The following ABCA13 variants were observed in gnomAD, a reference collection of about 807,000 sequenced individuals.
ABCA13 encodes the protein ATP-binding cassette sub-family A member 13.
A neutral mutation model predicts 478.7 loss-of-function variants in ABCA13; 476 were observed. The ratio of observed to expected loss-of-function variants is 0.99; its 90% CI spans 0.92 to 1.07. The LOEUF (loss-of-function observed/expected upper bound fraction) is 1.07, where lower values mean the gene tolerates loss of function less well. Ranked by LOEUF, ABCA13 falls within the 50% of genes least tolerant of loss-of-function variation. The probability of loss-of-function intolerance (pLI) is 0.00; values close to 1 mark genes in which losing one functional copy is unlikely to be tolerated. For synonymous variants in ABCA13, 2,252 were observed against 2,158.9 expected (o/e 1.04, Z -1.20); for missense variants, 6,060 against 5,910.6 (o/e 1.03, Z -0.83).
At chr7:48,626,590 G>T in intron 59 of ABCA13, 1 of 985,032 alleles carries the variant, frequency 1.0e-6, no homozygotes, top group Non-Finnish European at 1.2e-6. Flanking sequence ...AGAAATTTTT[G>T]TTCTCTAGTA....
intron 3 of ABCA13, among the ~76,000 whole-genome samples, chr7:48,205,159 C>T (rs1297514354): frequency 6.6e-6 from 1 of 152,124 alleles, no homozygotes; most frequent in East Asian, 1.9e-4. Flanking sequence ...ATTTTTACAC[C>T]GTGTTTAGTA....
At position 48,438,537 on chromosome 7, in the gene ABCA13, G is replaced by A. The variant is rs777499383; in HGVS notation, c.12565+10666G>A. Among the ~76,000 whole-genome samples, 16 of 149,644 alleles carry A rather than the reference G, an allele frequency of 1.1e-4. No homozygotes were observed. The South Asian group carries it at 1.9e-3, about 18-fold the overall frequency. ...ACTGGCATTTTGTGAGCTTTTTGACGTTTGAGCAGAAGGTTCTGTAATCAC... is the reference window on the plus strand; with the variant it reads ...ACTGGCATTTTGTGAGCTTTTTGACATTTGAGCAGAAGGTTCTGTAATCAC... On this transcript the variant is annotated intron_variant, in intron 42 of 61. Transcript: ENST00000435803.
At position 48,374,382 on chromosome 7, in the gene ABCA13, AT is replaced by A; in HGVS notation, c.11175del (p.Phe3725LeufsTer26). The A allele has an allele frequency of 1.2e-6, 2 of 1,610,558 alleles. No individual in the cohort carries two copies. The highest frequency in any genetic ancestry group is 1.1e-5 in the South Asian group (1 of 89,930). Reference sequence around the variant, plus strand: ...CGACAACCGCCTTTGGACAAGGGGTATTTTTTATTACATTCCTGGAAGGACA... The same window carrying A: ...CGACAACCGCCTTTGGACAAGGGGTATTTTTATTACATTCCTGGAAGGACA... ...LSTTAFGQGV[F>X]FITFLEGQET... On this transcript the variant is annotated frameshift_variant, in exon 34 of 62. Transcript: ENST00000435803. LOFTEE classifies it high-confidence loss of function.
chr7:48,203,581 C>T (rs1330214839), intron 3 of ABCA13, among the ~76,000 whole-genome samples: 1 of 152,174 alleles, frequency 6.6e-6, no homozygotes, highest in Non-Finnish European at 1.5e-5. Flanking sequence ...TCAGCTTCCT[C>T]ATTCCTGCCT....
In ABCA13 at chr7:48,410,568, T is replaced by C; in HGVS notation, c.12119T>C (p.Leu4040Pro). ...CACCACCTGGATGAAGCTGAAGCGCTGAGTGACCGCGTGGCCGTCCTCCAG... is the reference window on the plus strand; with the variant it reads ...CACCACCTGGATGAAGCTGAAGCGCCGAGTGACCGCGTGGCCGTCCTCCAG... The part of the protein sequence containing the change: ...TTHHLDEAEA[L>P]SDRVAVLQHG... Residue 4040 changes from leucine to proline, a missense_variant, in exon 40 of 62, where the codon CTG becomes CCG. Coordinates refer to ENST00000435803, the MANE Select transcript of ABCA13 (RefSeq NM_152701.5). The C allele has an allele frequency of 1.2e-6, 2 of 1,614,052 alleles. No individual in the cohort carries two copies. Among genetic ancestry groups the C allele is most frequent in the East Asian group, 4.5e-5 (2 of 44,872 alleles).
chr7:48,286,719 G>C (rs1381660031), intron 19 of ABCA13, among the ~76,000 whole-genome samples: 1 of 152,000 alleles, frequency 6.6e-6, no homozygotes, highest in Non-Finnish European at 1.5e-5. Context: ...TGGCCAGGAT[G>C]GTCTCGATCT....
rs1832441625 is a variant in ABCA13 at position 48,520,172 on chromosome 7, T to C, written c.13929T>C (p.Asp4643=). Residue 4643 remains aspartate (D), a synonymous_variant, in exon 53 of 62, where the codon GAT becomes GAC. Transcript: ENST00000435803. ...KYDLTHNFGI[D]SYVSPFEMNF... is the part of the protein sequence containing the mutation. The stretch of plus-strand genomic sequence containing the variant: ...ACCTGACCCACAACTTCGGCATTGA[T>C]TCCTATGTGAGTCCCTTTGAGATGA... 1 of 1,613,702 alleles carries C rather than the reference T, an allele frequency of 6.2e-7. No homozygotes were observed. The highest frequency in any genetic ancestry group is 1.7e-5 in the Admixed American group (1 of 59,984).
chr7:48,459,160 A>G (rs1256136548), intron 43 of ABCA13, among the ~76,000 whole-genome samples: 1 of 152,096 alleles, frequency 6.6e-6, no homozygotes, highest in Non-Finnish European at 1.5e-5. Flanking sequence ...AGCCCCAGAG[A>G]AATTAGAGGA....
chr7:48,284,800 T>A (rs1010211118), intron 19 of ABCA13, among the ~76,000 whole-genome samples: 6 of 152,200 alleles, frequency 3.9e-5, no homozygotes. Flanking sequence ...CTTATTGAAT[T>A]GTTACTCCAT....
chr7:48,431,493 T>C (rs1822147506), intron 42 of ABCA13, among the ~76,000 whole-genome samples: 1 of 152,240 alleles, frequency 6.6e-6, no homozygotes, highest in African/African-American at 2.4e-5. Context: ...GTGTGTTCTA[T>C]AGACATCTGT....
chr7:48,225,104 C>T (rs1046263884), intron 5 of ABCA13, among the ~76,000 whole-genome samples: 18 of 135,012 alleles, frequency 1.3e-4, no homozygotes, highest in Admixed American at 6.9e-4. Context: ...AATCACCATG[C>T]GTGCGTGCCT....
At chr7:48,339,184 A>G (rs2128952982) in intron 29 of ABCA13, among the ~76,000 whole-genome samples, 1 of 152,270 alleles carries the variant, frequency 6.6e-6, no homozygotes, top group East Asian at 1.9e-4. Flanking sequence ...AGGGTTTCGG[A>G]TCTGCCTTAC....
intron 3 of ABCA13, among the ~76,000 whole-genome samples, chr7:48,204,337 G>A (rs898579358): frequency 9.9e-5 from 15 of 151,940 alleles, no homozygotes; most frequent in African/African-American, 3.4e-4. Context: ...AACCTCCTGA[G>A]TAGCTGGGAC....
At chr7:48,511,783 G>A (rs1043032964) in intron 51 of ABCA13, among the ~76,000 whole-genome samples, 10 of 152,002 alleles carry the variant, frequency 6.6e-5, no homozygotes, top group African/African-American at 1.5e-4. Flanking sequence ...TGTCATGCAC[G>A]TATGCTTATA....
At chr7:48,556,553 A>T (rs927671251) in intron 55 of ABCA13, among the ~76,000 whole-genome samples, 1 of 151,956 alleles carries the variant, frequency 6.6e-6, no homozygotes, top group African/African-American at 2.4e-5. Context: ...ATCGTGATGT[A>T]ATGACCTTCT....
intron 59 of ABCA13, among the ~76,000 whole-genome samples, chr7:48,642,930 G>A (rs1795200585): frequency 1.3e-5 from 2 of 152,082 alleles, no homozygotes; most frequent in South Asian, 4.2e-4. Context: ...AAGCAATAAG[G>A]CCAGCAATCA....
Position 48,255,803 on chromosome 7 carries a change from T to C in ABCA13, c.2005+6452T>C, listed in dbSNP as rs151288314. Among the ~76,000 whole-genome samples, 22 of 152,334 alleles carry C rather than the reference T, an allele frequency of 1.4e-4. No homozygotes were observed. In the East Asian group the frequency reaches 3.5e-3, roughly 24 times the overall value. ...CATGTGTCTTTATGGTACAATGATA[T>C]ACATTCCTTTGGGTATATACACAAT... On this transcript the variant is annotated intron_variant, in intron 15 of 61. Coordinates refer to ENST00000435803, the MANE Select transcript of ABCA13 (RefSeq NM_152701.5).
chr7:48,180,857 C>A (rs1340514590), intron 1 of ABCA13, among the ~76,000 whole-genome samples: 1 of 152,024 alleles, frequency 6.6e-6, no homozygotes, highest in Non-Finnish European at 1.5e-5. Flanking sequence ...AGTCACAATC[C>A]CCCTACAGCT....
intron 55 of ABCA13, among the ~76,000 whole-genome samples, chr7:48,569,863 C>T (rs1393844590): frequency 6.6e-6 from 1 of 152,026 alleles, no homozygotes; most frequent in African/African-American, 2.4e-5. Context: ...TTTTTAATAG[C>T]CAAACACTTG....
Sources: gnomAD v4.1 joint callset for allele counts (sites outside exome capture counted in the v4.1 genomes callset) on GRCh38, gnomAD v4.1.1 for gene constraint, MANE v1.5 for transcripts, NCBI Gene and HGNC (gene_info 2026-07-23, HGNC 2026-07-21) for gene names.